Variants in MLLT1 observed in about 807,000 individuals in gnomAD.
MLLT1 encodes protein ENL.
A neutral mutation model predicts 55.1 loss-of-function variants in MLLT1; 11 were observed. The ratio of observed to expected loss-of-function variants is 0.20; its 90% CI spans 0.13 to 0.33. The LOEUF (loss-of-function observed/expected upper bound fraction) is 0.33, where lower values mean the gene tolerates loss of function less well. MLLT1 is among the 10% of genes least tolerant of loss of function. The pLI is 1.00. For synonymous variants in MLLT1, 323 were observed against 320.1 expected (o/e 1.01, Z -0.10); for missense variants, 536 against 760.6 (o/e 0.70, Z 3.47).
At chr19:6,244,981 C>A (rs954812576) in intron 3 of MLLT1, among the ~76,000 whole-genome samples, 2 of 152,046 alleles carry the variant, frequency 1.3e-5, no homozygotes, top group Non-Finnish European at 2.9e-5. Context: ...CCCTCATACC[C>A]GGCTGGGGGG....
chr19:6,243,375 C>A (rs1207797932), intron 3 of MLLT1, among the ~76,000 whole-genome samples: 1 of 152,174 alleles, frequency 6.6e-6, no homozygotes, highest in Non-Finnish European at 1.5e-5. Flanking sequence ...GACTCCAGGG[C>A]ACAGACAAGC....
chr19:6,259,018 C>CGCAG (rs2091281336), intron 3 of MLLT1: 1 of 152,262 alleles, frequency 6.6e-6, no homozygotes, highest in Non-Finnish European at 1.5e-5. Flanking sequence ...AGCCAGAAAC[C>CGCAG]CCATCTTATG....
chr19:6,264,429 C>T (rs1170020391), intron 2 of MLLT1, among the ~76,000 whole-genome samples: 1 of 151,984 alleles, frequency 6.6e-6, no homozygotes, highest in East Asian at 1.9e-4. Flanking sequence ...ATAGGCAGAA[C>T]CCACCCTCCC....
Position 6,265,047 on chromosome 19 carries a change from AAC to A in MLLT1, c.194-2739_194-2738del, listed in dbSNP as rs751905550. Among the ~76,000 whole-genome samples, 64 of 85,386 alleles carry A rather than the reference AAC, an allele frequency of 7.5e-4. 2 individuals carry two copies. The highest frequency in any genetic ancestry group is 2.4e-3 in the South Asian group (6 of 2,480). 56.0% of individuals were successfully genotyped at this position (85,386 alleles called of 152,430 possible). Reference sequence around the variant, plus strand: ...AAAACATAGTGAACAGCAAAAAAAAAACAAAAAAACAAAAAAACAAAAAAAAA... The same window carrying A: ...AAAACATAGTGAACAGCAAAAAAAAAAAAAAAACAAAAAAACAAAAAAAAA... On this transcript the variant is annotated intron_variant, in intron 2 of 11. Transcript: ENST00000252674.
chr19:6,268,133 T>A (rs779875528), intron 2 of MLLT1, among the ~76,000 whole-genome samples: 2 of 152,150 alleles, frequency 1.3e-5, no homozygotes, highest in Non-Finnish European at 2.9e-5. Flanking sequence ...TGTGGGTGTA[T>A]TGGGCAACGA....
intron 4 of MLLT1, among the ~76,000 whole-genome samples, chr19:6,228,256 C>A (rs563889363): frequency 6.6e-6 from 1 of 152,206 alleles, no homozygotes; most frequent in Non-Finnish European, 1.5e-5. Flanking sequence ...GACGGGCTTG[C>A]CAGGAGGCTG....
intron 2 of MLLT1, among the ~76,000 whole-genome samples, chr19:6,265,049 C>CACAAAAAAAAA (rs2091336820): frequency 4.3e-5 from 1 of 23,302 alleles, no homozygotes; most frequent in African/African-American, 9.9e-5. Flanking sequence ...AAAAAAAAAA[C>CACAAAAAAAAA]AAAAAAACAA....
chr19:6,279,084 G>A (rs773254048), intron 1 of MLLT1, among the ~76,000 whole-genome samples: 1 of 152,066 alleles, frequency 6.6e-6, no homozygotes. Context: ...GAAGGCTCAG[G>A]TCCAGGTAGG....
At chr19:6,265,049 C>CAAAAACAAA (rs1568296295) in intron 2 of MLLT1, among the ~76,000 whole-genome samples, 3 of 23,298 alleles carry the variant, frequency 1.3e-4, no homozygotes, top group Admixed American at 9.8e-4. Flanking sequence ...AAAAAAAAAA[C>CAAAAACAAA]AAAAAAACAA....
At position 6,256,027 on chromosome 19, in the gene MLLT1, C is replaced by T. The variant is rs974821030; in HGVS notation, c.276+6201G>A. Among the ~76,000 whole-genome samples the T allele has an allele frequency of 6.6e-6, 1 of 151,912 alleles. No homozygotes were observed. The highest frequency in any genetic ancestry group is 1.5e-5 in the Non-Finnish European group (1 of 67,986). On this transcript the variant is annotated intron_variant, in intron 3 of 11. Transcript: ENST00000252674. This position sits in a 1 kb window ranked among gnomAD's most constrained non-coding sequence, Gnocchi z 4.1. ...TGAGGTCAGTTCGAGACCAGCCTGGCCAATGTGGTGAAACCCCATCTCTAC... is the reference window on the plus strand; with the variant it reads ...TGAGGTCAGTTCGAGACCAGCCTGGTCAATGTGGTGAAACCCCATCTCTAC...
chr19:6,266,609 C>T (rs1357231899), intron 2 of MLLT1, among the ~76,000 whole-genome samples: 1 of 151,982 alleles, frequency 6.6e-6, no homozygotes, highest in South Asian at 2.1e-4. Context: ...GGCATCCTCA[C>T]TGCCCCTGGC....
intron 1 of MLLT1, among the ~76,000 whole-genome samples, chr19:6,272,736 G>T (rs1477185144): frequency 6.6e-6 from 1 of 152,230 alleles, no homozygotes; most frequent in Non-Finnish European, 1.5e-5. Flanking sequence ...GAGCCTCTCA[G>T]GTCAGGGAGT....
rs1027363310 is a variant in MLLT1 at position 6,212,308 on chromosome 19, A to G, written c.*734T>C. On this transcript the variant is annotated 3_prime_UTR_variant, in exon 12 of 12. Transcript: ENST00000252674. ...GCATCCTTGGAACGGCAAAGGGAGA[A>G]TTCCTCCATGCGCCTGGAGAGGGCC... 9.4e-7 allele frequency: 1 copy of G among 1,065,336 alleles called. No individual in the cohort carries two copies. The highest frequency in any genetic ancestry group is 1.6e-5 in the African/African-American group (1 of 61,086). The allele number at this position is 1,065,336 out of a possible 1,614,324, so 66.0% of individuals were successfully genotyped here. A position where few individuals can be genotyped will look rare whatever the true frequency, so the allele number is the denominator to read the frequency against.
chr19:6,268,146 C>T (rs746831738), intron 2 of MLLT1, among the ~76,000 whole-genome samples: 2 of 152,158 alleles, frequency 1.3e-5, no homozygotes, highest in African/African-American at 4.8e-5. Flanking sequence ...GGCAACGAAA[C>T]CGCGATTGAG....
In MLLT1 at chr19:6,229,653, A is replaced by G. The variant is rs915081131; in HGVS notation, c.420+917T>C. ...ACACACCATACATGACACAGCAGACAGCGTATGTACATACCACACAACACA... is the reference window on the plus strand; with the variant it reads ...ACACACCATACATGACACAGCAGACGGCGTATGTACATACCACACAACACA... On this transcript the variant is annotated intron_variant, in intron 4 of 11. Coordinates refer to ENST00000252674, the MANE Select transcript of MLLT1 (RefSeq NM_005934.4). This position sits in a 1 kb window ranked among gnomAD's most constrained non-coding sequence, Gnocchi z 5.2. Among the ~76,000 whole-genome samples, 2 of 151,692 alleles carry G rather than the reference A, an allele frequency of 1.3e-5. No individual in the cohort carries two copies. The highest frequency in any genetic ancestry group is 2.9e-5 in the Non-Finnish European group (2 of 67,888).
rs974087601 is a variant in MLLT1, at chr19:6,231,068, T to G, written c.277-355A>C. The stretch of plus-strand genomic sequence containing the variant: ...ACTAACACGTGGCAGCACTGAGACC[T>G]GCCCCAGGCCTCTGAGGCCCACAAT... On this transcript the variant is annotated intron_variant, in intron 3 of 11. Coordinates refer to ENST00000252674, the MANE Select transcript of MLLT1 (RefSeq NM_005934.4). This position sits in a 1 kb window ranked among gnomAD's most constrained non-coding sequence, Gnocchi z 5.1. Among the ~76,000 whole-genome samples the G allele has an allele frequency of 1.3e-5, 2 of 152,212 alleles. No individual in the cohort carries two copies. Among genetic ancestry groups the G allele is most frequent in the East Asian group, 3.9e-4 (2 of 5,184 alleles).
At chr19:6,241,061 G>A (rs960333773) in intron 3 of MLLT1, among the ~76,000 whole-genome samples, 3 of 152,180 alleles carry the variant, frequency 2.0e-5, no homozygotes, top group Non-Finnish European at 4.4e-5. Context: ...ATGAAGACAG[G>A]AGGAGGTATC....
Position 6,222,049 on chromosome 19 carries a change from G to T in MLLT1, c.1110+72C>A. On this transcript the variant is annotated intron_variant, in intron 6 of 11. Transcript: ENST00000252674. The surrounding 1 kb of genome is among the most constrained non-coding windows in gnomAD (Gnocchi z 4.1). ...CCTGGCTCAGATCCCACCTCCTTCCGCTGTTCCAGAAGGGAGGCGGGTCCC... is the reference window on the plus strand; with the variant it reads ...CCTGGCTCAGATCCCACCTCCTTCCTCTGTTCCAGAAGGGAGGCGGGTCCC... 1 of 1,299,940 alleles carries T rather than the reference G, an allele frequency of 7.7e-7. No homozygotes were observed. Among genetic ancestry groups the T allele is most frequent in the African/African-American group, 1.5e-5 (1 of 65,922 alleles). The allele number at this position is 1,299,940 out of a possible 1,614,324, so 80.5% of individuals were successfully genotyped here. A position where few individuals can be genotyped will look rare whatever the true frequency, so the allele number is the denominator to read the frequency against.
rs1600172928 is a variant in MLLT1, at chr19:6,219,463, G to A, written c.1111-1422C>T. 6.6e-6 allele frequency among the ~76,000 whole-genome samples: 1 copy of A among 152,312 alleles called. No individual in the cohort carries two copies. Among genetic ancestry groups the A allele is most frequent in the East Asian group, 1.9e-4 (1 of 5,174 alleles). Reference sequence around the variant, plus strand: ...ACAGCCTGGACTTCTGTTCTTGGGGGCCAGGGGTGAGTAAGAGGTGACCGA... The same window carrying A: ...ACAGCCTGGACTTCTGTTCTTGGGGACCAGGGGTGAGTAAGAGGTGACCGA... On this transcript the variant is annotated intron_variant, in intron 6 of 11. Coordinates refer to ENST00000252674, the MANE Select transcript of MLLT1 (RefSeq NM_005934.4). The surrounding 1 kb of genome is among the most constrained non-coding windows in gnomAD (Gnocchi z 4.5).
Sources: allele counts gnomAD v4.1 joint callset (sites outside exome capture counted in the v4.1 genomes callset), GRCh38; gene constraint gnomAD v4.1.1; non-coding constraint Gnocchi (gnomAD v3.1); transcripts MANE v1.5; gene names NCBI Gene and HGNC (gene_info 2026-07-23, HGNC 2026-07-21).